Variants in TECRL observed in about 807,000 individuals in gnomAD.
TECRL encodes the protein trans-2,3-enoyl-CoA reductase like.
In TECRL, 63 loss-of-function variants were observed where a neutral mutation model predicts 52.8. The ratio of observed to expected loss-of-function variants is 1.19; its 90% CI spans 0.97 to 1.47. TECRL has a LOEUF of 1.47. Among genes scored for constraint, TECRL ranks in the 40% most tolerant of loss-of-function variants. TECRL has a pLI of 0.00. For synonymous variants in TECRL, 164 were observed against 141.9 expected (o/e 1.16, Z -1.10); for missense variants, 482 against 429.6 (o/e 1.12, Z -1.08).
chr4:64,299,855 A>G (rs1455776340), intron 8 of TECRL, 119 bp downstream of exon 8: 2 of 362,266 alleles, frequency 5.5e-6, no homozygotes, highest in Non-Finnish European at 9.8e-6. Flanking sequence ...TTATATCATT[A>G]TGTATATTAT....
intron 1 of TECRL, among the ~76,000 whole-genome samples, chr4:64,403,902 G>A (rs1056211971): frequency 6.6e-6 from 1 of 151,862 alleles, no homozygotes; most frequent in South Asian, 2.1e-4. Flanking sequence ...TCATTTGCAT[G>A]TACACGAAAT....
intron 9 of TECRL, among the ~76,000 whole-genome samples, chr4:64,284,336 C>G (rs1209893189): frequency 6.6e-6 from 1 of 152,008 alleles, no homozygotes; most frequent in Non-Finnish European, 1.5e-5. Flanking sequence ...AGCAGATAGT[C>G]TACGCAAGGT....
intron 1 of TECRL, among the ~76,000 whole-genome samples, chr4:64,398,244 G>A (rs1384716): frequency 2.0e-5 from 3 of 151,960 alleles, no homozygotes; most frequent in Non-Finnish European, 2.9e-5. Flanking sequence ...TCTCAGGTGC[G>A]TCTAATGAGA....
intron 9 of TECRL, among the ~76,000 whole-genome samples, chr4:64,286,789 C>G (rs1382710368): frequency 6.6e-6 from 1 of 152,080 alleles, no homozygotes; most frequent in Admixed American, 6.6e-5. Context: ...CTTACATGAA[C>G]AATTTCAAAA....
At chr4:64,358,945 A>G (rs979869820) in intron 2 of TECRL, among the ~76,000 whole-genome samples, 8 of 151,922 alleles carry the variant, frequency 5.3e-5, no homozygotes, top group Non-Finnish European at 7.4e-5. Context: ...TATATTGATG[A>G]GAATATCCAT....
chr4:64,407,320 T>G (rs1376010782), intron 1 of TECRL, among the ~76,000 whole-genome samples: 5 of 152,088 alleles, frequency 3.3e-5, no homozygotes, highest in African/African-American at 1.2e-4. Context: ...GCAAAATTCT[T>G]ATCTCTGAAT....
chr4:64,376,518 A>C (rs1303654759), intron 1 of TECRL, among the ~76,000 whole-genome samples: 1 of 152,008 alleles, frequency 6.6e-6, no homozygotes, highest in East Asian at 1.9e-4. Flanking sequence ...ATTAACCTTT[A>C]ATATTTAAAT....
intron 2 of TECRL, among the ~76,000 whole-genome samples, chr4:64,347,711 A>C (rs1212916938): frequency 1.3e-5 from 2 of 152,166 alleles, no homozygotes; most frequent in African/African-American, 4.8e-5. Flanking sequence ...AGCAAGGAGG[A>C]AACGGCCCCC....
chr4:64,400,117 C>T (rs757300909), intron 1 of TECRL, among the ~76,000 whole-genome samples: 5 of 152,208 alleles, frequency 3.3e-5, no homozygotes, highest in Non-Finnish European at 7.3e-5. Flanking sequence ...TGGAGCTATC[C>T]AAGACCTTGG....
At chr4:64,382,084 A>G (rs1269419448) in intron 1 of TECRL, among the ~76,000 whole-genome samples, 1 of 151,034 alleles carries the variant, frequency 6.6e-6, no homozygotes, top group Non-Finnish European at 1.5e-5. Context: ...CTTTGTTGAG[A>G]GATGTTTTAT....
chr4:64,332,967 G>A (rs1451404739), intron 2 of TECRL, among the ~76,000 whole-genome samples: 2 of 151,678 alleles, frequency 1.3e-5, no homozygotes, highest in Non-Finnish European at 2.9e-5. Flanking sequence ...TTCCAATACT[G>A]GCAAAATATA....
At chr4:64,377,330 TACTGAA>T (rs1722474724) in intron 1 of TECRL, among the ~76,000 whole-genome samples, 1 of 152,022 alleles carries the variant, frequency 6.6e-6, no homozygotes, top group African/African-American at 2.4e-5. Flanking sequence ...CCTTTAGTTG[TACTGAA>T]AGCACAAAGA....
intron 8 of TECRL, chr4:64,299,218 C>T (rs1407072681): frequency 1.3e-5 from 2 of 151,112 alleles, no homozygotes; most frequent in Non-Finnish European, 3.0e-5. Flanking sequence ...CATGTGAGAG[C>T]TCCTTACAAA....
At chr4:64,405,431 AT>A (rs1433942828) in intron 1 of TECRL, among the ~76,000 whole-genome samples, 1 of 152,082 alleles carries the variant, frequency 6.6e-6, no homozygotes, top group African/African-American at 2.4e-5. Context: ...ACAAGTCATG[AT>A]TTCTCCAAGT....
At chr4:64,351,817 T>C (rs879605583) in intron 2 of TECRL, among the ~76,000 whole-genome samples, 13 of 152,200 alleles carry the variant, frequency 8.5e-5, no homozygotes, top group South Asian at 2.1e-4. Context: ...ATGTTATTTA[T>C]GGAGGGCATT....
chr4:64,315,682 TC>T (rs1198877598), intron 4 of TECRL, among the ~76,000 whole-genome samples: 1 of 152,088 alleles, frequency 6.6e-6, no homozygotes, highest in African/African-American at 2.4e-5. Flanking sequence ...TGGTTAGAAA[TC>T]ATGTTCACAG....
rs548482107 is a variant in TECRL, at chr4:64,365,743, C to CA, written c.286+9428dup. Reference sequence around the variant, plus strand: ...GGCAATTAGAGATGACACCAAGAAACAAAAAAAAATTACATGCTCATGTAT... The same window carrying CA: ...GGCAATTAGAGATGACACCAAGAAACAAAAAAAAAATTACATGCTCATGTAT... On this transcript the variant is annotated intron_variant, in intron 2 of 11. Transcript: ENST00000381210. Among the ~76,000 whole-genome samples, 17 of 149,846 alleles carry CA rather than the reference C, an allele frequency of 1.1e-4. No individual in the cohort carries two copies. In the East Asian group the frequency reaches 1.2e-3, roughly 10 times the overall value.
At chr4:64,308,559 G>T (rs148812790) in intron 6 of TECRL, among the ~76,000 whole-genome samples, 97 of 152,222 alleles carry the variant, frequency 6.4e-4, no homozygotes, top group African/African-American at 2.2e-3. Flanking sequence ...GAATTTATCC[G>T]AATTTATCCC....
At chr4:64,290,808 T>G (rs1260440480) in intron 8 of TECRL, among the ~76,000 whole-genome samples, 1 of 152,094 alleles carries the variant, frequency 6.6e-6, no homozygotes, top group African/African-American at 2.4e-5. Flanking sequence ...TTTAAAATAA[T>G]CATCTTCAAT....
Sources: allele counts gnomAD v4.1 joint callset (sites outside exome capture counted in the v4.1 genomes callset), GRCh38; gene constraint gnomAD v4.1.1; transcripts MANE v1.5; gene names NCBI Gene and HGNC (gene_info 2026-07-23, HGNC 2026-07-21).